Variants in RGS9 observed in about 807,000 individuals in gnomAD.
RGS9 encodes regulator of G protein signaling 9, also known as regulator of G-protein signalling 9.
A neutral mutation model predicts 102.0 loss-of-function variants in RGS9; 78 were observed. The ratio of observed to expected loss-of-function variants is 0.76; its 90% CI spans 0.64 to 0.92. RGS9 has a LOEUF of 0.92. RGS9 is among the 40% of genes least tolerant of loss of function. RGS9 has a pLI of 0.00. For synonymous variants in RGS9, 353 were observed against 318.6 expected, an observed-to-expected ratio of 1.11 and a Z score of -1.15; for missense variants, 833 against 866.1, an observed-to-expected ratio of 0.96 and a Z score of 0.48.
chr17:65,201,134 T>TACAC (rs1912822094), intron 13 of RGS9, among the ~76,000 whole-genome samples: 2 of 140,128 alleles, frequency 1.4e-5, no homozygotes, highest in African/African-American at 5.9e-5. Context: ...CACACACACT[T>TACAC]GCTCTCTCTT....
intron 8 of RGS9, among the ~76,000 whole-genome samples, chr17:65,169,826 C>CT (rs1309218037): frequency 6.6e-6 from 1 of 152,130 alleles, no homozygotes; most frequent in East Asian, 1.9e-4. Context: ...CACTGCCTCC[C>CT]CCCCAGCCCA....
Position 65,177,782 on chromosome 17 carries a change from G to GA in RGS9, c.635dup (p.Asn212LysfsTer2). 6.2e-7 allele frequency: 1 copy of GA among 1,614,174 alleles called. No individual in the cohort carries two copies. On this transcript the variant is annotated frameshift_variant, in exon 9 of 19. Coordinates refer to ENST00000262406, the MANE Select transcript of RGS9 (RefSeq NM_003835.4). LOFTEE classifies it high-confidence loss of function. ...ACGGCCTGGACCGAGTGACCAATCC[G>GA]AATGAAGTCAAGGTAAACCAGGTAT... is the stretch of plus-strand genomic sequence containing the variant.
intron 17 of RGS9, among the ~76,000 whole-genome samples, chr17:65,218,369 G>A (rs528615750): frequency 6.6e-6 from 1 of 152,358 alleles, no homozygotes; most frequent in South Asian, 2.1e-4. Context: ...CACTTGTAAA[G>A]GGTTGATCCT....
chr17:65,203,418 G>A (rs1210825333), intron 14 of RGS9, among the ~76,000 whole-genome samples: 1 of 152,188 alleles, frequency 6.6e-6, no homozygotes, highest in African/African-American at 2.4e-5. Flanking sequence ...CAGGAAGCCC[G>A]CTGCCTCTGC....
At chr17:65,191,167 G>T (rs1912351262) in intron 11 of RGS9, among the ~76,000 whole-genome samples, 1 of 152,076 alleles carries the variant, frequency 6.6e-6, no homozygotes, top group Non-Finnish European at 1.5e-5. Context: ...TTCACTTTGG[G>T]TTATAATAAT....
intron 9 of RGS9, among the ~76,000 whole-genome samples, chr17:65,180,742 G>A (rs977489813): frequency 1.3e-5 from 2 of 152,130 alleles, no homozygotes; most frequent in Non-Finnish European, 2.9e-5. Context: ...AGATTATCTT[G>A]TCACTCAGGA....
chr17:65,160,908 A>G lies in RGS9; in HGVS notation c.422A>G (p.Lys141Arg). Residue 141 changes from lysine (K) to arginine (R), a missense_variant and splice_region_variant, in exon 6 of 19, where the codon AAG (lysine) becomes AGG (arginine). Physicochemically the swap from Lys to Arg is conservative, Grantham distance 26. Coordinates refer to ENST00000262406, the MANE Select transcript of RGS9 (RefSeq NM_003835.4). ...AAAGGGATTTTGGAAGAATATGAAA[A>G]GGTATGGAGGTGCTTTTAAGTAGAG... is the stretch of plus-strand genomic sequence containing the variant. Reference protein sequence around the residue: ...KKKGILEEYEKENYNFLNQKM... With the variant: ...KKKGILEEYERENYNFLNQKM... 6.2e-7 allele frequency: 1 copy of G among 1,611,778 alleles called. No homozygotes were observed. The highest frequency in any genetic ancestry group is 8.5e-7 in the Non-Finnish European group (1 of 1,177,776).
intron 12 of RGS9, among the ~76,000 whole-genome samples, 157 bp from the exon 13 acceptor site, chr17:65,196,969 T>C (rs1349925806): frequency 3.3e-5 from 5 of 152,218 alleles, no homozygotes; most frequent in African/African-American, 1.2e-4. Flanking sequence ...TGCATCTTCC[T>C]AGCAAGTGAT....
intron 2 of RGS9, among the ~76,000 whole-genome samples, chr17:65,156,517 G>A (rs1454897188): frequency 6.6e-6 from 1 of 152,156 alleles, no homozygotes; most frequent in Non-Finnish European, 1.5e-5. Flanking sequence ...CAACAGCACC[G>A]ATAAAAAAAA....
chr17:65,176,108 C>G (rs1042810225), intron 8 of RGS9, among the ~76,000 whole-genome samples: 1 of 152,176 alleles, frequency 6.6e-6, no homozygotes, highest in Non-Finnish European at 1.5e-5. Context: ...GTCACATGTG[C>G]TGAGCAATGG....
At chr17:65,219,834 T>C (rs1913639899) in intron 17 of RGS9, among the ~76,000 whole-genome samples, 1 of 151,858 alleles carries the variant, frequency 6.6e-6, no homozygotes, top group Admixed American at 6.6e-5. Context: ...CTATCACCAT[T>C]ATCACCATCA....
chr17:65,154,818 A>G (rs1402189630), intron 2 of RGS9, among the ~76,000 whole-genome samples: 1 of 152,258 alleles, frequency 6.6e-6, no homozygotes, highest in Non-Finnish European at 1.5e-5. Context: ...ACAGCTTCTC[A>G]TAGCCCAAGC....
intron 11 of RGS9, among the ~76,000 whole-genome samples, chr17:65,191,472 G>A (rs1912365181): frequency 6.6e-6 from 1 of 152,040 alleles, no homozygotes; most frequent in Admixed American, 6.6e-5. Context: ...TACTTTGGGA[G>A]GCTGGGGTGG....
chr17:65,208,451 C>T lies in RGS9; in HGVS notation c.1289+444C>T, dbSNP rs374901042. Among the ~76,000 whole-genome samples, 6 of 152,198 alleles carry T rather than the reference C, an allele frequency of 3.9e-5. No individual in the cohort carries two copies. The East Asian group carries it at 5.8e-4, about 15-fold the overall frequency. On this transcript the variant is annotated intron_variant, in intron 16 of 18. Transcript: ENST00000262406. ...TCAGTGAAGGGGAAACGGACAGTAA[C>T]GGGCTAGGTATTCTTGCTGCCTCCG... is the stretch of plus-strand genomic sequence containing the variant.
intron 13 of RGS9, among the ~76,000 whole-genome samples, chr17:65,200,252 G>C (rs753380549): frequency 2.0e-5 from 3 of 151,624 alleles, no homozygotes; most frequent in African/African-American, 7.3e-5. Context: ...GGCTGGTCTC[G>C]AACTCCTGAC....
chr17:65,169,978 C>T (rs78851422), intron 8 of RGS9, among the ~76,000 whole-genome samples: 232 of 152,046 alleles, frequency 1.5e-3, no homozygotes, highest in African/African-American at 5.3e-3. Context: ...TCACTGTCAC[C>T]GTCACCATCA....
intron 1 of RGS9, among the ~76,000 whole-genome samples, chr17:65,147,519 C>T (rs1189586065): frequency 1.3e-5 from 2 of 151,652 alleles, no homozygotes; most frequent in South Asian, 2.1e-4. Context: ...CATTTTTCCA[C>T]TTCAGGACTC....
chr17:65,174,185 A>C (rs1024698563), intron 8 of RGS9, among the ~76,000 whole-genome samples: 1 of 152,242 alleles, frequency 6.6e-6, no homozygotes, highest in Non-Finnish European at 1.5e-5. Context: ...TATGCAGTGC[A>C]CTGTTGAGCA....
At chr17:65,222,300 T>C (rs1456634482) in intron 17 of RGS9, among the ~76,000 whole-genome samples, 1 of 152,208 alleles carries the variant, frequency 6.6e-6, no homozygotes, top group Non-Finnish European at 1.5e-5. Context: ...TAGACTCAGA[T>C]GGAAAGGGCT....
Sources: allele counts gnomAD v4.1 joint callset (sites outside exome capture counted in the v4.1 genomes callset), GRCh38; gene constraint gnomAD v4.1.1; transcripts MANE v1.5; gene names NCBI Gene and HGNC (gene_info 2026-07-23, HGNC 2026-07-21).